PDE11A: variants seen among roughly 807,000 people sequenced by gnomAD.
PDE11A encodes the protein dual 3',5'-cyclic-AMP and -GMP phosphodiesterase 11A.
Under a neutral mutation model 100.5 loss-of-function variants are expected in PDE11A, and 100 were observed. The observed-to-expected ratio is 1.00, with a 90% CI of 0.85 to 1.18. The LOEUF (loss-of-function observed/expected upper bound fraction) is 1.18, where lower values mean the gene tolerates loss of function less well. PDE11A is among the 50% of genes most tolerant of loss of function. The pLI is 0.00. For missense variants in PDE11A, 1,141 were observed against 1,152.6 expected, an observed-to-expected ratio of 0.99 and a Z score of 0.15; for synonymous variants, 381 against 420.8, an observed-to-expected ratio of 0.91 and a Z score of 1.16.
intron 12 of PDE11A, among the ~76,000 whole-genome samples, chr2:177,714,858 A>ATCCTTCCTGTCCTGGGGAC (rs1431524348): frequency 1.3e-5 from 2 of 151,990 alleles, no homozygotes; most frequent in Non-Finnish European, 2.9e-5. Context: ...TTGTTTCTAG[A>ATCCTTCCTGTCCTGGGGAC]TCCTTCCTGT....
chr2:177,997,796 C>A lies in PDE11A; in HGVS notation c.1071+16506G>T, dbSNP rs1226967965. Reference sequence around the variant, plus strand: ...TCATCACCAGCATTCCCTCCATTTTCTGCTTCTTCTGGAGGGAGGGGCATG... The same window carrying A: ...TCATCACCAGCATTCCCTCCATTTTATGCTTCTTCTGGAGGGAGGGGCATG... On this transcript the variant is annotated intron_variant, in intron 2 of 19. Transcript: ENST00000286063. 4.6e-6 allele frequency: 6 copies of A among 1,296,742 alleles called. No individual in the cohort carries two copies. The Admixed American group carries it at 1.0e-4, about 22-fold the overall frequency. 80.3% of individuals were successfully genotyped at this position (1,296,742 alleles called of 1,614,324 possible).
intron 2 of PDE11A, among the ~76,000 whole-genome samples, chr2:178,086,576 C>T (rs1015864252): frequency 6.6e-6 from 1 of 152,174 alleles, no homozygotes; most frequent in East Asian, 1.9e-4. Context: ...ATGATTTTCA[C>T]ATAATACTAT....
chr2:177,771,970 A>C (rs6735387), intron 9 of PDE11A, among the ~76,000 whole-genome samples: 87,090 of 151,744 alleles, frequency 0.57, 26,444 homozygotes, highest in African/African-American at 0.78. Context: ...CCATTGCACT[A>C]CAGTCTGGGT....
intron 5 of PDE11A, among the ~76,000 whole-genome samples, chr2:177,857,559 T>C (rs2083862925): frequency 6.6e-6 from 1 of 152,018 alleles, no homozygotes; most frequent in Non-Finnish European, 1.5e-5. Flanking sequence ...GGAACAAAGC[T>C]ATATGGAGCA....
chr2:177,881,364 T>TATCTATC (rs2084338249), intron 4 of PDE11A, among the ~76,000 whole-genome samples: 1 of 151,752 alleles, frequency 6.6e-6, no homozygotes. Flanking sequence ...TCTATCTATC[T>TATCTATC]ATCTATCTAT....
At chr2:177,934,755 T>G (rs1346709237) in intron 2 of PDE11A, among the ~76,000 whole-genome samples, 2 of 152,156 alleles carry the variant, frequency 1.3e-5, no homozygotes, top group African/African-American at 4.8e-5. Flanking sequence ...CAACAATGGA[T>G]CTGATAAAGA....
intron 1 of PDE11A, among the ~76,000 whole-genome samples, chr2:178,041,027 T>C (rs1033525337): frequency 9.2e-5 from 14 of 152,018 alleles, no homozygotes; most frequent in East Asian, 5.8e-4. Flanking sequence ...GCAAAATTGA[T>C]CTCCCAGGCT....
chr2:177,691,055 T>G (rs1485551292), intron 15 of PDE11A, among the ~76,000 whole-genome samples: 1 of 152,094 alleles, frequency 6.6e-6, no homozygotes, highest in Non-Finnish European at 1.5e-5. Context: ...AGCTAAAGAG[T>G]AAGGTGTCTG....
chr2:178,017,692 G>A (rs1236469455), intron 1 of PDE11A, among the ~76,000 whole-genome samples: 1 of 152,176 alleles, frequency 6.6e-6, no homozygotes, highest in Non-Finnish European at 1.5e-5. Flanking sequence ...CAGGTGCAGT[G>A]GATCACGCCT....
intron 1 of PDE11A, among the ~76,000 whole-genome samples, chr2:178,014,744 G>A (rs527334964): frequency 3.3e-5 from 5 of 152,200 alleles, no homozygotes; most frequent in Admixed American, 6.6e-5. Context: ...CGATTTATGT[G>A]ATTTATGAAA....
intron 19 of PDE11A, among the ~76,000 whole-genome samples, chr2:177,634,859 T>A (rs764566629): frequency 1.3e-5 from 2 of 152,180 alleles, no homozygotes; most frequent in Non-Finnish European, 2.9e-5. Flanking sequence ...ATTTAAAAGT[T>A]TCTTATCAAG....
intron 5 of PDE11A, among the ~76,000 whole-genome samples, chr2:177,853,830 GTA>G (rs1214159640): frequency 4.8e-4 from 67 of 141,048 alleles, no homozygotes; most frequent in African/African-American, 1.7e-3. Flanking sequence ...ATATATGTGT[GTA>G]TATATATCTA....
chr2:178,025,011 T>C (rs906788797), intron 1 of PDE11A, among the ~76,000 whole-genome samples: 1 of 152,226 alleles, frequency 6.6e-6, no homozygotes, highest in African/African-American at 2.4e-5. Flanking sequence ...AGACACAGCA[T>C]GTGGCAACTA....
chr2:177,957,105 G>A (rs1460575294), intron 2 of PDE11A, among the ~76,000 whole-genome samples: 1 of 151,184 alleles, frequency 6.6e-6, no homozygotes, highest in African/African-American at 2.4e-5. Flanking sequence ...AAACAAACAA[G>A]GGGCTGGTCC....
intron 18 of PDE11A, 125 bp from the exon 19 acceptor site, chr2:177,664,074 A>G (rs536463002): frequency 1.2e-5 from 8 of 689,338 alleles, no homozygotes; most frequent in African/African-American, 7.0e-5. Context: ...AATCACAATC[A>G]ATCTTTACAC....
intron 1 of PDE11A, among the ~76,000 whole-genome samples, chr2:178,028,352 A>T (rs1460671076): frequency 6.6e-6 from 1 of 151,416 alleles, no homozygotes; most frequent in East Asian, 1.9e-4. Flanking sequence ...ATAATATGAG[A>T]GTAGGCGTGA....
intron 2 of PDE11A, among the ~76,000 whole-genome samples, chr2:177,965,991 T>C (rs1453552532): frequency 6.6e-6 from 1 of 152,234 alleles, no homozygotes; most frequent in Non-Finnish European, 1.5e-5. Context: ...TCCATAAGCA[T>C]GGAATGTTTT....
At chr2:177,858,455 C>G (rs1452557429) in intron 5 of PDE11A, among the ~76,000 whole-genome samples, 1 of 150,192 alleles carries the variant, frequency 6.7e-6, no homozygotes, top group African/African-American at 2.4e-5. Context: ...AGACACTTCT[C>G]AAAGGAAGAA....
At chr2:177,989,005 A>G (rs1387896849) in intron 2 of PDE11A, among the ~76,000 whole-genome samples, 1 of 152,232 alleles carries the variant, frequency 6.6e-6, no homozygotes, top group Non-Finnish European at 1.5e-5. Flanking sequence ...TTTCAGTATT[A>G]TATCTCAGAG....
Sources: allele counts gnomAD v4.1 joint callset (sites outside exome capture counted in the v4.1 genomes callset), GRCh38; gene constraint gnomAD v4.1.1; transcripts MANE v1.5; gene names NCBI Gene and HGNC (gene_info 2026-07-23, HGNC 2026-07-21).